TBL1XR1: variants seen among roughly 807,000 people sequenced by gnomAD.
TBL1XR1 encodes the protein F-box-like/WD repeat-containing protein TBL1XR1.
A neutral mutation model predicts 66.9 loss-of-function variants in TBL1XR1; 5 were observed. The observed-to-expected ratio is 0.07, with a 90% confidence interval of 0.04 to 0.16. TBL1XR1 has a LOEUF of 0.16. Ranked by LOEUF, TBL1XR1 falls within the 10% of genes least tolerant of loss-of-function variation. TBL1XR1 has a pLI of 1.00. For synonymous variants in TBL1XR1, 210 were observed against 206.0 expected (o/e 1.02, Z -0.17); for missense variants, 238 against 623.2 (o/e 0.38, Z 6.58).
At chr3:177,144,351 T>C (rs991124851) in intron 1 of TBL1XR1, among the ~76,000 whole-genome samples, 1 of 152,162 alleles carries the variant, frequency 6.6e-6, no homozygotes, top group African/African-American at 2.4e-5. Context: ...TCGTTCTCCA[T>C]CTTAAGCCAA....
At chr3:177,039,321 T>A (rs1401045451) in intron 10 of TBL1XR1, among the ~76,000 whole-genome samples, 1 of 152,188 alleles carries the variant, frequency 6.6e-6, no homozygotes, top group Non-Finnish European at 1.5e-5. Flanking sequence ...GGTGAGATCA[T>A]GTGTGTGGAA....
chr3:177,051,689 A>G lies in TBL1XR1; in HGVS notation c.242T>C (p.Leu81Pro). 1 of 1,605,492 alleles carries G rather than the reference A, an allele frequency of 6.2e-7. No homozygotes were observed. Among genetic ancestry groups the G allele is most frequent in the Non-Finnish European group, 8.5e-7 (1 of 1,174,280 alleles). Reference protein sequence around the residue: ...TLFDGRPIESLSLIDAVMPDV... With the variant: ...TLFDGRPIESPSLIDAVMPDV... Reference sequence around the variant, plus strand: ...AGGCATTACGGCATCTATCAGGGACAGAGACTCTATTGGTCGACCATCAAA... The same window carrying G: ...AGGCATTACGGCATCTATCAGGGACGGAGACTCTATTGGTCGACCATCAAA... Residue 81 changes from leucine (L) to proline (P), a missense_variant, in exon 5 of 16, where the codon CTG (leucine) becomes CCG (proline). Leu to Pro is a moderately conservative substitution (Grantham distance 98). Around this residue, in one of 8 missense-constraint regions of TBL1XR1, gnomAD observed 80 missense variants for 100.5 expected, o/e 0.80. Coordinates refer to ENST00000457928, the MANE Select transcript of TBL1XR1 (RefSeq NM_024665.7).
chr3:177,154,334 CAT>C (rs1731242050), intron 1 of TBL1XR1, among the ~76,000 whole-genome samples: 2 of 151,936 alleles, frequency 1.3e-5, no homozygotes, highest in South Asian at 4.1e-4. Flanking sequence ...ATCAAGATAA[CAT>C]AAAAATTCTA....
At chr3:177,025,548 C>A (rs559840923) in intron 15 of TBL1XR1, 24 bp from the exon 16 acceptor site, 29 of 1,608,080 alleles carry the variant, frequency 1.8e-5, no homozygotes, top group Admixed American at 6.7e-5. Context: ...AAATAATCAA[C>A]CAGTGTATTC....
chr3:177,025,144 G>T lies in TBL1XR1; in HGVS notation c.*354C>A. The T allele has an allele frequency of 4.3e-6, 1 of 233,876 alleles. No homozygotes were observed. The highest frequency in any genetic ancestry group is 5.6e-5 in the Admixed American group (1 of 17,812). The allele number at this position is 233,876 out of a possible 1,614,324, so 14.5% of individuals were successfully genotyped here. ...ATCCATGGTGTCTGCTGATTCAAAG[G>T]GGAGAAACAAGGCTGTCATTTAGTA... On this transcript the variant is annotated 3_prime_UTR_variant, in exon 16 of 16. Coordinates refer to ENST00000457928, the MANE Select transcript of TBL1XR1 (RefSeq NM_024665.7).
In TBL1XR1 at chr3:177,034,205, A is replaced by G. The variant is rs745948912; in HGVS notation, c.1243T>C (p.Leu415=). Residue 415 remains leucine, a synonymous_variant, in exon 13 of 16, where the codon TTA becomes CTA. Transcript: ENST00000457928. The stretch of plus-strand genomic sequence containing the variant: ...ATGAAACAGAAGTATCACCTTGCTA[A>G]CATAAGGTTGGCATTTGGATTATTA... The part of the protein sequence containing the change: ...GTNNPNANLM[L]ASASFDSTVR... 6.2e-7 allele frequency: 1 copy of G among 1,601,886 alleles called. No homozygotes were observed. The highest frequency in any genetic ancestry group is 1.1e-5 in the South Asian group (1 of 87,110).
intron 1 of TBL1XR1, among the ~76,000 whole-genome samples, chr3:177,101,211 G>C (rs1724167748): frequency 6.6e-6 from 1 of 152,142 alleles, no homozygotes; most frequent in African/African-American, 2.4e-5. Context: ...ATCATAGCAA[G>C]TGAAGAGTTC....
At chr3:177,096,897 A>G (rs1411750694) in intron 2 of TBL1XR1, among the ~76,000 whole-genome samples, 1 of 152,134 alleles carries the variant, frequency 6.6e-6, no homozygotes, top group Non-Finnish European at 1.5e-5. Flanking sequence ...TTTCTTCAAC[A>G]TCTCCTATCA....
chr3:177,101,348 G>T (rs1321119431), intron 1 of TBL1XR1, among the ~76,000 whole-genome samples: 5 of 152,086 alleles, frequency 3.3e-5, no homozygotes, highest in Non-Finnish European at 7.4e-5. Flanking sequence ...GTTAAAACTG[G>T]GTAATAAAAT....
intron 1 of TBL1XR1, among the ~76,000 whole-genome samples, chr3:177,113,257 T>C (rs1012948878): frequency 1.3e-5 from 2 of 152,046 alleles, no homozygotes; most frequent in Non-Finnish European, 2.9e-5. Flanking sequence ...GACTCAAAAC[T>C]AGAAAATTAC....
intron 2 of TBL1XR1, among the ~76,000 whole-genome samples, chr3:177,096,535 T>C (rs890229673): frequency 6.6e-6 from 1 of 152,190 alleles, no homozygotes; most frequent in Non-Finnish European, 1.5e-5. Flanking sequence ...GGTAGCTTCA[T>C]GACACCTGTA....
At chr3:177,177,284 T>C (rs1734271261) in intron 1 of TBL1XR1, among the ~76,000 whole-genome samples, 1 of 152,024 alleles carries the variant, frequency 6.6e-6, no homozygotes, top group Non-Finnish European at 1.5e-5. Context: ...ACCCCATCTC[T>C]ACTAAAAATA....
chr3:177,127,936 GGGCCGGGCGCAGT>G (rs1727837657), intron 1 of TBL1XR1, among the ~76,000 whole-genome samples: 1 of 152,004 alleles, frequency 6.6e-6, no homozygotes, highest in African/African-American at 2.4e-5. Context: ...ATTGTAAAAC[GGGCCGGGCGCAGT>G]GGCTCACGCC....
chr3:177,143,657 A>G (rs1729889482), intron 1 of TBL1XR1, among the ~76,000 whole-genome samples: 1 of 152,232 alleles, frequency 6.6e-6, no homozygotes, highest in Admixed American at 6.5e-5. Context: ...TATTGTAACT[A>G]CCATGTGAAG....
At chr3:177,045,618 GA>G (rs1716225715) in intron 10 of TBL1XR1, among the ~76,000 whole-genome samples, 1 of 152,078 alleles carries the variant, frequency 6.6e-6, no homozygotes, top group Non-Finnish European at 1.5e-5. Flanking sequence ...ACTTCCTGTA[GA>G]CAAATACTCA....
At chr3:177,197,914 G>T (rs1330076416), upstream of TBL1XR1, among the ~76,000 whole-genome samples, 1 of 149,794 alleles carries the variant, frequency 6.7e-6, no homozygotes, top group East Asian at 2.0e-4. Flanking sequence ...GGCCCGAGAC[G>T]GGTGGGGGCG....
At chr3:177,092,259 C>T (rs1165406996) in intron 2 of TBL1XR1, among the ~76,000 whole-genome samples, 2 of 152,008 alleles carry the variant, frequency 1.3e-5, no homozygotes, top group African/African-American at 4.8e-5. Context: ...TTCTGCCACC[C>T]CAACCTCCCA....
chr3:177,036,372 T>C (rs907753771), intron 12 of TBL1XR1, among the ~76,000 whole-genome samples: 3 of 152,352 alleles, frequency 2.0e-5, no homozygotes, highest in Admixed American at 6.5e-5. Flanking sequence ...TCATTCCATC[T>C]GGCATTCCCT....
intron 1 of TBL1XR1, among the ~76,000 whole-genome samples, chr3:177,125,634 C>T (rs1267254895): frequency 6.6e-6 from 1 of 151,890 alleles, no homozygotes; most frequent in East Asian, 1.9e-4. Context: ...ATATATATAA[C>T]CAACGACTAC....
Sources: gnomAD v4.1 joint callset for allele counts (sites outside exome capture counted in the v4.1 genomes callset) on GRCh38, gnomAD v4.1.1 for gene constraint, gnomAD v4.1.1 regional missense constraint, MANE v1.5 for transcripts, NCBI Gene and HGNC (gene_info 2026-07-23, HGNC 2026-07-21) for gene names.